Variants in TGM3 observed in about 807,000 individuals in gnomAD.
The protein encoded by TGM3 is protein-glutamine gamma-glutamyltransferase E.
A neutral mutation model predicts 73.8 loss-of-function variants in TGM3; 52 were observed. That is an observed-to-expected ratio of 0.70 (90% confidence interval 0.56 to 0.89). TGM3 has a LOEUF of 0.89. TGM3 is among the 40% of genes least tolerant of loss of function. The pLI is 0.00. For synonymous variants in TGM3, 372 were observed against 354.9 expected (o/e 1.05, Z -0.54); for missense variants, 928 against 909.9 (o/e 1.02, Z -0.26).
rs1568632767 is a variant in TGM3 at position 2,332,211 on chromosome 20, G to A, written c.1543G>A (p.Val515Met). Reference protein sequence around the residue: ...LKNLSRDTKTVTVNMTAWTII... With the variant: ...LKNLSRDTKTMTVNMTAWTII... ...AAACCTGAGCAGGGATACGAAGACA[G>A]TGACAGTGAACATGACAGCCTGGAC... is the stretch of plus-strand genomic sequence containing the variant. Residue 515 changes from valine (V) to methionine (M), a missense_variant, in exon 10 of 13, where the codon GTG becomes ATG. Physicochemically the swap from Val to Met is conservative, Grantham distance 21. Coordinates refer to ENST00000381458, the MANE Select transcript of TGM3 (RefSeq NM_003245.4). This position sits in a 1 kb window ranked among gnomAD's most constrained non-coding sequence, Gnocchi z 4.4. 38 of 1,613,980 alleles carry A rather than the reference G, an allele frequency of 2.4e-5. No individual in the cohort carries two copies. The highest frequency in any genetic ancestry group is 3.1e-5 in the Non-Finnish European group (37 of 1,179,998).
chr20:2,322,469 A>C (rs1354018984), intron 7 of TGM3, among the ~76,000 whole-genome samples: 1 of 152,230 alleles, frequency 6.6e-6, no homozygotes, highest in African/African-American at 2.4e-5. Flanking sequence ...TATGTCATTA[A>C]AAAATCTTCA....
rs2084276763 is a variant in TGM3, at chr20:2,324,512, T to C, written c.984-1337T>C. On this transcript the variant is annotated intron_variant, in intron 7 of 12. Transcript: ENST00000381458. ...GCTGCCTATCTTGGGTCACTCAACA[T>C]GCAAACTGTCTCCCTTGCAGTAGGC... 2.0e-5 allele frequency among the ~76,000 whole-genome samples: 3 copies of C among 152,360 alleles called. No homozygotes were observed. The South Asian group carries it at 6.2e-4, about 32-fold the overall frequency.
rs117576773 is a variant in TGM3, at chr20:2,330,471, C to T, written c.1334-1531C>T. On this transcript the variant is annotated intron_variant, in intron 9 of 12. Transcript: ENST00000381458. ...ACTACCAGCTTAGGTAATCTGGCTG[C>T]CTGCCTTCTTTTTAGCAGGGTGTGT... Among the ~76,000 whole-genome samples, 64 of 152,306 alleles carry T rather than the reference C, an allele frequency of 4.2e-4. No individual in the cohort carries two copies. The East Asian group carries it at 0.011, about 27-fold the overall frequency.
chr20:2,325,903 G>T lies in TGM3; in HGVS notation c.1038G>T (p.Ser346=). Residue 346 remains serine, a synonymous_variant, in exon 8 of 13, where the codon TCG becomes TCT. Transcript: ENST00000381458. ...TTGTGAGGTCTGACCTGGGCCCCTCGTACGGTGGATGGCAGGTGTTGGATG... is the reference window on the plus strand; with the variant it reads ...TTGTGAGGTCTGACCTGGGCCCCTCTTACGGTGGATGGCAGGTGTTGGATG... The part of the protein sequence containing the change: ...GWFVRSDLGP[S]YGGWQVLDAT... The T allele has an allele frequency of 6.3e-7, 1 of 1,592,554 alleles. No homozygotes were observed. The highest frequency in any genetic ancestry group is 1.1e-5 in the South Asian group (1 of 87,766).
intron 5 of TGM3, among the ~76,000 whole-genome samples, chr20:2,314,762 A>G (rs2084224802): frequency 1.3e-5 from 2 of 152,208 alleles, no homozygotes; most frequent in Non-Finnish European, 1.5e-5. Flanking sequence ...CTTTACTTTA[A>G]TCCTCTTAAA....
intron 9 of TGM3, among the ~76,000 whole-genome samples, chr20:2,329,710 C>T (rs45537532): frequency 1.4e-4 from 22 of 152,154 alleles, no homozygotes; most frequent in Admixed American, 1.2e-3. Flanking sequence ...TGTGTGACCT[C>T]GAGCAAGTTT....
At chr20:2,320,751 T>G (rs1359651327) in intron 7 of TGM3, among the ~76,000 whole-genome samples, 4 of 152,192 alleles carry the variant, frequency 2.6e-5, no homozygotes, top group Non-Finnish European at 5.9e-5. Flanking sequence ...ATGTCCTCCT[T>G]CGGGTCCACT....
At chr20:2,327,149 G>T (rs2122239557) in intron 8 of TGM3, among the ~76,000 whole-genome samples, 1 of 152,260 alleles carries the variant, frequency 6.6e-6, no homozygotes, top group Middle Eastern at 3.4e-3. Context: ...GCAGGGAAAA[G>T]AACATAAACT....
Position 2,328,190 on chromosome 20 carries a change from G to A in TGM3, c.1158G>A (p.Met386Ile), listed in dbSNP as rs1223251560. The A allele has an allele frequency of 4.3e-6, 7 of 1,614,194 alleles. No individual in the cohort carries two copies. The Admixed American group carries it at 5.0e-5, about 12-fold the overall frequency. ...GTGATGTGCAGCTGAACTTCGACAT[G>A]CCCTTTATCTTCGCGGAGGTTAATG... ...REGDVQLNFD[M>I]PFIFAEVNAD... is the part of the protein sequence containing the mutation. Residue 386 changes from methionine to isoleucine, a missense_variant, in exon 9 of 13, where the codon ATG becomes ATA. Transcript: ENST00000381458. The surrounding 1 kb of genome is among the most constrained non-coding windows in gnomAD (Gnocchi z 5.2).
intron 5 of TGM3, among the ~76,000 whole-genome samples, chr20:2,315,493 C>A (rs932815768): frequency 6.6e-6 from 1 of 152,222 alleles, no homozygotes; most frequent in African/African-American, 2.4e-5. Context: ...CACTACTGCA[C>A]TGAGGGCCTG....
At chr20:2,305,700 T>A (rs1378730722) in intron 1 of TGM3, among the ~76,000 whole-genome samples, 1 of 152,146 alleles carries the variant, frequency 6.6e-6, no homozygotes, top group East Asian at 1.9e-4. Context: ...GGGCTCACGC[T>A]TGGTGTCAGA....
chr20:2,335,146 C>T lies in TGM3; in HGVS notation c.1673C>T (p.Ala558Val), dbSNP rs1327063414. The T allele has an allele frequency of 6.2e-7, 1 of 1,614,132 alleles. No homozygotes were observed. Among genetic ancestry groups the T allele is most frequent in the Admixed American group, 1.7e-5 (1 of 60,014 alleles). The change falls in exon 11 of 13, where the codon GCT becomes GTT. Residue 558 changes from alanine to valine, a missense_variant. Transcript: ENST00000381458. Reference sequence around the variant, plus strand: ...GAACATCCCATAAAGATCTCGTACGCTCAGTATGAGAAGTACCTGAAGTCA... The same window carrying T: ...GAACATCCCATAAAGATCTCGTACGTTCAGTATGAGAAGTACCTGAAGTCA... Reference protein sequence around the residue: ...EAEHPIKISYAQYEKYLKSDN... With the variant: ...EAEHPIKISYVQYEKYLKSDN...
intron 2 of TGM3, 86 bp from the exon 3 acceptor site, chr20:2,310,092 C>A: frequency 6.4e-7 from 1 of 1,570,640 alleles, no homozygotes; most frequent in South Asian, 1.2e-5. Flanking sequence ...GCTCATGTCC[C>A]CCAGAGGGGG....
chr20:2,311,976 G>C (rs45571133), intron 4 of TGM3, among the ~76,000 whole-genome samples: 2,881 of 152,206 alleles, frequency 0.019, 32 homozygotes, highest in Middle Eastern at 0.034. Context: ...AGAGGAGCTC[G>C]GCCTTCTCAG....
chr20:2,336,004 T>C (rs959498435), intron 11 of TGM3, among the ~76,000 whole-genome samples: 1 of 152,230 alleles, frequency 6.6e-6, no homozygotes, highest in South Asian at 2.1e-4. Flanking sequence ...CAACAGCATC[T>C]TCAAAGTGGC....
intron 1 of TGM3, among the ~76,000 whole-genome samples, chr20:2,303,965 A>G (rs546725782): frequency 1.4e-4 from 22 of 152,308 alleles, no homozygotes; most frequent in African/African-American, 5.3e-4. Flanking sequence ...TTGTTCTCTA[A>G]GGTTTTTCCC....
At position 2,328,437 on chromosome 20, in the gene TGM3, G is replaced by GACTTTTCTCCTCTCC; in HGVS notation, c.1333+73_1333+74insCTTTTCTCCTCTCCA. The GACTTTTCTCCTCTCC allele has an allele frequency of 6.3e-7, 1 of 1,587,206 alleles. No individual in the cohort carries two copies. The highest frequency in any genetic ancestry group is 8.6e-7 in the Non-Finnish European group (1 of 1,166,012). On this transcript the variant is annotated intron_variant, in intron 9 of 12. Coordinates refer to ENST00000381458, the MANE Select transcript of TGM3 (RefSeq NM_003245.4). The surrounding 1 kb of genome is among the most constrained non-coding windows in gnomAD (Gnocchi z 5.2). ...GGAGGATGGCTCTGAGGCTGGAGAG[G>GACTTTTCTCCTCTCC]AGAAAAGTCCTCACCTCCCCCGCAC...
intron 1 of TGM3, among the ~76,000 whole-genome samples, chr20:2,299,941 CAA>C (rs2084133941): frequency 6.6e-6 from 1 of 151,906 alleles, no homozygotes; most frequent in South Asian, 2.1e-4. Flanking sequence ...ACTAAAAATA[CAA>C]AAATTAGTGG....
In TGM3 at chr20:2,335,317, C is replaced by T. The variant is rs778579214; in HGVS notation, c.1800+44C>T. 2.5e-6 allele frequency: 4 copies of T among 1,608,734 alleles called. No individual in the cohort carries two copies. The South Asian group carries it at 4.4e-5, about 18-fold the overall frequency. On this transcript the variant is annotated intron_variant, in intron 11 of 12. Coordinates refer to ENST00000381458, the MANE Select transcript of TGM3 (RefSeq NM_003245.4). Reference sequence around the variant, plus strand: ...CTGTGGGAAGGGGTTCTGCCCCCAGCCAGCCCAGCTCCCAGGAGCCCCACT... The same window carrying T: ...CTGTGGGAAGGGGTTCTGCCCCCAGTCAGCCCAGCTCCCAGGAGCCCCACT...
Sources: allele counts gnomAD v4.1 joint callset (sites outside exome capture counted in the v4.1 genomes callset), GRCh38; gene constraint gnomAD v4.1.1; non-coding constraint Gnocchi (gnomAD v3.1); transcripts MANE v1.5; gene names NCBI Gene and HGNC (gene_info 2026-07-23, HGNC 2026-07-21).